POF1B: variants seen among roughly 807,000 people sequenced by gnomAD.
POF1B encodes POF1B actin binding protein.
A neutral mutation model predicts 55.3 loss-of-function variants in POF1B; 53 were observed. That is an observed-to-expected ratio of 0.96 (90% CI 0.77 to 1.20). The LOEUF is 1.20. Ranked by LOEUF, POF1B falls within the 50% of genes most tolerant of loss-of-function variation. The probability of loss-of-function intolerance (pLI) is 0.00; values close to 1 mark genes in which losing one functional copy is unlikely to be tolerated. For missense variants in POF1B, 478 were observed against 420.5 expected, an observed-to-expected ratio of 1.14 and a Z score of -1.20; for synonymous variants, 188 against 148.3, an observed-to-expected ratio of 1.27 and a Z score of -1.95.
rs148725259 is a variant in POF1B, at chrX:85,369,310, C to T, written c.283-1544G>A. Among the ~76,000 whole-genome samples, 763 of 110,780 alleles carry T rather than the reference C, an allele frequency of 6.9e-3. 1 individual carries two copies. The highest frequency in any genetic ancestry group is 0.012 in the Non-Finnish European group (633 of 52,763). On this transcript the variant is annotated intron_variant, in intron 2 of 16. Transcript: ENST00000262753. ...ACAACCATGTGCAGGCAGGTTTGGC[C>T]CACAGACCCAAGAGGAGCAGATTCA... is the stretch of plus-strand genomic sequence containing the variant.
rs1390384737 is a variant in POF1B, at chrX:85,304,440, G to A, written c.1469C>T (p.Ser490Leu). Residue 490 changes from serine to leucine, a missense_variant, in exon 14 of 17, where the codon TCA (serine) becomes TTA (leucine). By Grantham distance (145) the Ser-to-Leu change is moderately radical. Transcript: ENST00000262753. ...GTCACTACAACTTCCTTCTCTCTTT[G>A]AAACATCTTTATGGTACTGGTTTAA... is the stretch of plus-strand genomic sequence containing the variant. Reference protein sequence around the residue: ...SQLNQYHKDVSKREGSCSDFQ... With the variant: ...SQLNQYHKDVLKREGSCSDFQ... 5 of 1,173,077 alleles carry A rather than the reference G, an allele frequency of 4.3e-6. No individual in the cohort carries two copies. In the Admixed American group the frequency reaches 1.2e-4, roughly 27 times the overall value.
At position 85,379,655 on chromosome X, in the gene POF1B, G is replaced by A; in HGVS notation, c.-58C>T. 3 of 440,084 alleles carry A rather than the reference G, an allele frequency of 6.8e-6. No homozygotes were observed. Among genetic ancestry groups the A allele is most frequent in the Admixed American group, 8.1e-5 (2 of 24,712 alleles). The allele number at this position is 440,084 out of a possible 1,213,427, so 36.3% of individuals were successfully genotyped here. Reference sequence around the variant, plus strand: ...GAAAGCTACCTGAGCAGCAGCAAGAGCAGGTCTGGCAGCTACAGAGGAAGC... The same window carrying A: ...GAAAGCTACCTGAGCAGCAGCAAGAACAGGTCTGGCAGCTACAGAGGAAGC... On this transcript the variant is annotated 5_prime_UTR_variant, in exon 1 of 17. Coordinates refer to ENST00000262753, the MANE Select transcript of POF1B (RefSeq NM_024921.4).
At chrX:85,354,906 C>T (rs924811541) in intron 4 of POF1B, among the ~76,000 whole-genome samples, 4 of 111,250 alleles carry the variant, frequency 3.6e-5, no homozygotes, top group African/African-American at 9.8e-5. Flanking sequence ...AGATTCAATG[C>T]CATCCCCATC....
At chrX:85,341,760 A>C (rs1350982657) in intron 6 of POF1B, among the ~76,000 whole-genome samples, 1 of 111,234 alleles carries the variant, frequency 9.0e-6, no homozygotes, top group African/African-American at 3.3e-5. Context: ...GGTGAATGAC[A>C]TGTTAAATAA....
chrX:85,306,017 T>A, intron 12 of POF1B, 107 bp from the exon 13 acceptor site: 2 of 995,413 alleles, frequency 2.0e-6, no homozygotes, highest in Non-Finnish European at 2.7e-6. Flanking sequence ...AATAAGACAT[T>A]GAAATAATGA....
chrX:85,306,007 AAT>A, intron 12 of POF1B, 97 bp from the exon 13 acceptor site: 1 of 1,025,886 alleles, frequency 9.7e-7, no homozygotes, highest in East Asian at 3.1e-5. Flanking sequence ...CACATGATTA[AAT>A]AAGACATTGA....
intron 9 of POF1B, among the ~76,000 whole-genome samples, chrX:85,308,822 T>C (rs60270063): frequency 0.22 from 23,797 of 109,444 alleles, 2,521 homozygotes; most frequent in African/African-American, 0.41. Context: ...GGACTACAGG[T>C]ATGCACCAAC....
intron 15 of POF1B, among the ~76,000 whole-genome samples, chrX:85,296,241 GGTTA>G (rs1250737495): frequency 9.0e-6 from 1 of 111,447 alleles, no homozygotes; most frequent in African/African-American, 3.3e-5. Context: ...TTACATTCAA[GGTTA>G]GTTAGTATCG....
intron 2 of POF1B, among the ~76,000 whole-genome samples, chrX:85,368,872 C>T (rs769623086): frequency 3.8e-4 from 42 of 111,337 alleles, no homozygotes; most frequent in African/African-American, 5.9e-4. Flanking sequence ...TCAATTGGCA[C>T]GACTCCATTA....
At chrX:85,307,770 T>C (rs920730501) in intron 10 of POF1B, among the ~76,000 whole-genome samples, 68 of 111,940 alleles carry the variant, frequency 6.1e-4, no homozygotes, top group African/African-American at 2.2e-3. Context: ...CAAGTTATTA[T>C]ATTTGAATGG....
intron 7 of POF1B, among the ~76,000 whole-genome samples, chrX:85,329,794 G>T (rs1048157893): frequency 1.1e-4 from 12 of 108,892 alleles, no homozygotes; most frequent in African/African-American, 4.0e-4. Flanking sequence ...AAAATCAAGT[G>T]GGAGGGAGCT....
In POF1B at chrX:85,304,410, T is replaced by G; in HGVS notation, c.1499A>C (p.Gln500Pro). ...SKREGSCSDF[Q>P]FKLHELTSLL... ...GCTTGTCAGTTCATGAAGCTTAAAT[T>G]GGAAGTCACTACAACTTCCTTCTCT... Residue 500 changes from glutamine to proline, a missense_variant, in exon 14 of 17, where the codon CAA (glutamine) becomes CCA (proline). Transcript: ENST00000262753. The G allele has an allele frequency of 5.0e-6, 6 of 1,194,717 alleles. No homozygotes were observed. The highest frequency in any genetic ancestry group is 6.8e-6 in the Non-Finnish European group (6 of 884,456).
intron 2 of POF1B, among the ~76,000 whole-genome samples, chrX:85,375,635 C>T (rs992908790): frequency 1.8e-4 from 20 of 111,715 alleles, no homozygotes; most frequent in African/African-American, 5.2e-4. Flanking sequence ...TGACTACGCC[C>T]TTGAACAACA....
intron 3 of POF1B, among the ~76,000 whole-genome samples, chrX:85,360,929 C>T (rs1430755831): frequency 3.6e-5 from 4 of 110,762 alleles, no homozygotes; most frequent in African/African-American, 6.6e-5. Flanking sequence ...CTGACTGTTA[C>T]GAGGTGGAAT....
intron 3 of POF1B, among the ~76,000 whole-genome samples, chrX:85,364,203 C>G (rs1434640625): frequency 9.0e-6 from 1 of 111,108 alleles, no homozygotes; most frequent in Non-Finnish European, 1.9e-5. Context: ...CTTCATCCAG[C>G]TTGCCATTCT....
rs749959858 is a variant in POF1B, at chrX:85,305,921, C to A, written c.1318-11G>T. ...GCAAGTCTCAGAAACCTACAGAAGGCAAAATAACTATCTGTAATTGGATTG... is the reference window on the plus strand; with the variant it reads ...GCAAGTCTCAGAAACCTACAGAAGGAAAAATAACTATCTGTAATTGGATTG... On this transcript the variant is annotated splice_polypyrimidine_tract_variant and intron_variant, in intron 12 of 16. Coordinates refer to ENST00000262753, the MANE Select transcript of POF1B (RefSeq NM_024921.4). 4 of 1,201,338 alleles carry A rather than the reference C, an allele frequency of 3.3e-6. No homozygotes were observed. In the South Asian group the frequency reaches 7.3e-5, roughly 22 times the overall value.
chrX:85,338,130 TA>T (rs1214227866), intron 6 of POF1B, among the ~76,000 whole-genome samples: 1 of 111,180 alleles, frequency 9.0e-6, no homozygotes, highest in Non-Finnish European at 1.9e-5. Flanking sequence ...ATTTGTTGGA[TA>T]AAAATATTTT....
chrX:85,299,187 T>A (rs1427835092), intron 15 of POF1B, among the ~76,000 whole-genome samples: 1 of 100,043 alleles, frequency 1.0e-5, no homozygotes, highest in Non-Finnish European at 2.0e-5. Flanking sequence ...CAATCTTTTT[T>A]TTTCTTTTTT....
intron 7 of POF1B, among the ~76,000 whole-genome samples, chrX:85,330,300 A>G (rs909669844): frequency 2.7e-5 from 3 of 110,830 alleles, no homozygotes; most frequent in Non-Finnish European, 5.7e-5. Context: ...ATCTATTGGT[A>G]TATTTTTAAT....
Sources: gnomAD v4.1 joint callset for allele counts (sites outside exome capture counted in the v4.1 genomes callset) on GRCh38, gnomAD v4.1.1 for gene constraint, MANE v1.5 for transcripts, NCBI Gene and HGNC (gene_info 2026-07-23, HGNC 2026-07-21) for gene names.